DNAI1: variants seen among roughly 807,000 people sequenced by gnomAD.
DNAI1 encodes dynein, axonemal, intermediate polypeptide 1.
In DNAI1, 67 loss-of-function variants were observed where a neutral mutation model predicts 92.0. That is an observed-to-expected ratio of 0.73 (90% CI 0.60 to 0.89). The LOEUF is 0.89. Ranked by LOEUF, DNAI1 falls within the 40% of genes least tolerant of loss-of-function variation. DNAI1 has a pLI of 0.00. For missense variants in DNAI1, 839 were observed against 866.6 expected, an observed-to-expected ratio of 0.97 and a Z score of 0.40; for synonymous variants, 323 against 319.6, an observed-to-expected ratio of 1.01 and a Z score of -0.11.
At chr9:34,507,502 C>G (rs1278035796) in intron 13 of DNAI1, among the ~76,000 whole-genome samples, 2 of 152,182 alleles carry the variant, frequency 1.3e-5, no homozygotes, top group Admixed American at 6.5e-5. Context: ...TCATCCTCAT[C>G]ATCTTCACAT....
chr9:34,471,459 A>G (rs1454760235), intron 1 of DNAI1, among the ~76,000 whole-genome samples: 2 of 150,696 alleles, frequency 1.3e-5, no homozygotes, highest in Admixed American at 1.3e-4. Flanking sequence ...AAAAAAAAAA[A>G]AAAGAAAAGA....
chr9:34,460,471 C>G (rs1291690704), intron 1 of DNAI1, among the ~76,000 whole-genome samples: 2 of 152,176 alleles, frequency 1.3e-5, no homozygotes, highest in Non-Finnish European at 2.9e-5. Context: ...TCCTCTGCCT[C>G]TTTTACCTGG....
Position 34,499,973 on chromosome 9 carries a change from C to T in DNAI1, c.902-749C>T, listed in dbSNP as rs115583287. 3.3e-3 allele frequency among the ~76,000 whole-genome samples: 496 copies of T among 152,150 alleles called. 2 individuals are homozygous for T. The highest frequency in any genetic ancestry group is 0.011 in the African/African-American group (457 of 41,496). On this transcript the variant is annotated intron_variant, in intron 10 of 19. Transcript: ENST00000242317. ...AGAAGGAGTTACTGGAGGTAGGAGA[C>T]CAGTTAGAGGGATGTTGTCATAATA...
chr9:34,513,846 T>C (rs549354593), intron 16 of DNAI1, among the ~76,000 whole-genome samples: 1 of 152,214 alleles, frequency 6.6e-6, no homozygotes, highest in South Asian at 2.1e-4. Flanking sequence ...TCAGTCACAC[T>C]GTCTTCTGGA....
At chr9:34,494,696 G>A (rs535938725) in intron 9 of DNAI1, among the ~76,000 whole-genome samples, 1 of 152,336 alleles carries the variant, frequency 6.6e-6, no homozygotes, top group South Asian at 2.1e-4. Flanking sequence ...CCTCAGGGAT[G>A]AGGGACCATC....
intron 1 of DNAI1, among the ~76,000 whole-genome samples, chr9:34,481,055 A>G (rs1824343010): frequency 6.6e-6 from 1 of 152,090 alleles, no homozygotes; most frequent in Non-Finnish European, 1.5e-5. Flanking sequence ...AGCCTGGCCA[A>G]CCTAGTGAAA....
At chr9:34,459,518 T>G (rs1313414691) in intron 1 of DNAI1, among the ~76,000 whole-genome samples, 1 of 151,188 alleles carries the variant, frequency 6.6e-6, no homozygotes, top group Non-Finnish European at 1.5e-5. Context: ...CCATCTCAGC[T>G]CTCTGTAACC....
intron 10 of DNAI1, among the ~76,000 whole-genome samples, chr9:34,497,620 C>A (rs1824752113): frequency 6.6e-6 from 1 of 152,204 alleles, no homozygotes; most frequent in African/African-American, 2.4e-5. Flanking sequence ...CTCAGAGCAC[C>A]TTGGGAATGC....
chr9:34,471,387 T>G (rs1824130428), intron 1 of DNAI1, among the ~76,000 whole-genome samples: 1 of 150,516 alleles, frequency 6.6e-6, no homozygotes, highest in South Asian at 2.1e-4. Flanking sequence ...ATTGTGCCAC[T>G]GCACTCTGGC....
chr9:34,479,564 C>T (rs774061596), intron 1 of DNAI1, among the ~76,000 whole-genome samples: 1 of 152,160 alleles, frequency 6.6e-6, no homozygotes, highest in African/African-American at 2.4e-5. Flanking sequence ...GTTTTACAGA[C>T]ATATTTACAG....
intron 8 of DNAI1, among the ~76,000 whole-genome samples, chr9:34,492,186 T>G (rs1310128161): frequency 6.6e-6 from 1 of 152,202 alleles, no homozygotes; most frequent in Non-Finnish European, 1.5e-5. Context: ...TAGAGTACTT[T>G]GCAATGTGGA....
intron 4 of DNAI1, among the ~76,000 whole-genome samples, chr9:34,487,187 C>CTT (rs966984614): frequency 3.5e-5 from 5 of 144,588 alleles, no homozygotes; most frequent in Admixed American, 2.1e-4. Context: ...AGAAATGTTT[C>CTT]TTTTTTTTTT....
At chr9:34,464,857 T>A (rs1824008485) in intron 1 of DNAI1, among the ~76,000 whole-genome samples, 1 of 152,036 alleles carries the variant, frequency 6.6e-6, no homozygotes, top group Non-Finnish European at 1.5e-5. Context: ...TCATTCTGAT[T>A]CTGGGGGAAT....
In DNAI1 at chr9:34,500,965, T is replaced by A. The variant is rs1824820788; in HGVS notation, c.1019+126T>A. The A allele has an allele frequency of 7.9e-6, 8 of 1,013,800 alleles. 1 individual carries two copies. Among genetic ancestry groups the A allele is most frequent in the Non-Finnish European group, 6.3e-6 (4 of 637,514 alleles). 62.8% of individuals were successfully genotyped at this position (1,013,800 alleles called of 1,614,324 possible). On this transcript the variant is annotated intron_variant, in intron 11 of 19. Coordinates refer to ENST00000242317, the MANE Select transcript of DNAI1 (RefSeq NM_012144.4). ...GTGACAGTATAGAAAAATATGGAAC[T>A]TGGATTCTTATGGGATCACAAGACC... is the stretch of plus-strand genomic sequence containing the variant.
intron 9 of DNAI1, among the ~76,000 whole-genome samples, chr9:34,493,542 G>C (rs1262700827): frequency 1.3e-5 from 2 of 152,122 alleles, no homozygotes; most frequent in Non-Finnish European, 2.9e-5. Context: ...GATAGATCTG[G>C]AGGCTAGCAG....
At chr9:34,465,419 A>G (rs1396679680) in intron 1 of DNAI1, among the ~76,000 whole-genome samples, 1 of 152,218 alleles carries the variant, frequency 6.6e-6, no homozygotes, top group Admixed American at 6.5e-5. Flanking sequence ...GAAAGCTGAG[A>G]CAGTTTTTTC....
chr9:34,494,171 C>A (rs371637551), intron 9 of DNAI1, among the ~76,000 whole-genome samples: 1 of 151,972 alleles, frequency 6.6e-6, no homozygotes, highest in South Asian at 2.1e-4. Context: ...TGGCTGCTCT[C>A]GGGGAAGTGG....
Position 34,520,858 on chromosome 9 carries a change from C to T in DNAI1, c.*102C>T. 1 of 1,093,476 alleles carries T rather than the reference C, an allele frequency of 9.1e-7. No individual in the cohort carries two copies. Among genetic ancestry groups the T allele is most frequent in the Non-Finnish European group, 1.4e-6 (1 of 731,178 alleles). 67.7% of individuals were successfully genotyped at this position (1,093,476 alleles called of 1,614,324 possible). ...TAGCACCCAGCATGTGACCCCACTCCTGATCAGGTCCCAGCATCTTCCCTT... is the reference window on the plus strand; with the variant it reads ...TAGCACCCAGCATGTGACCCCACTCTTGATCAGGTCCCAGCATCTTCCCTT... On this transcript the variant is annotated 3_prime_UTR_variant, in exon 20 of 20. Coordinates refer to ENST00000242317, the MANE Select transcript of DNAI1 (RefSeq NM_012144.4).
intron 7 of DNAI1, 190 bp from the exon 8 acceptor site, chr9:34,491,305 C>T (rs948465808): frequency 1.5e-6 from 1 of 663,866 alleles, no homozygotes; most frequent in African/African-American, 1.8e-5. Flanking sequence ...TGAAGGAGGC[C>T]AGAATGGACA....
Sources: gnomAD v4.1 joint callset for allele counts (sites outside exome capture counted in the v4.1 genomes callset) on GRCh38, gnomAD v4.1.1 for gene constraint, MANE v1.5 for transcripts, NCBI Gene and HGNC (gene_info 2026-07-23, HGNC 2026-07-21) for gene names.